Variants in ABCA13 observed in about 807,000 individuals in gnomAD.
ABCA13 encodes the protein ATP-binding cassette sub-family A member 13.
In ABCA13, 476 loss-of-function variants were observed where a neutral mutation model predicts 478.7. That is an observed-to-expected ratio of 0.99 (90% confidence interval 0.92 to 1.07). ABCA13 has a LOEUF of 1.07. ABCA13 is among the 50% of genes least tolerant of loss of function. The probability of loss-of-function intolerance (pLI) is 0.00; values close to 1 mark genes in which losing one functional copy is unlikely to be tolerated. For missense variants in ABCA13, 6,060 were observed against 5,910.6 expected (o/e 1.03, Z -0.83); for synonymous variants, 2,252 against 2,158.9 (o/e 1.04, Z -1.20).
chr7:48,310,082 G>C lies in ABCA13; in HGVS notation c.9457G>C (p.Val3153Leu), dbSNP rs760715653. The C allele has an allele frequency of 1.9e-6, 3 of 1,613,868 alleles. No individual in the cohort carries two copies. The highest frequency in any genetic ancestry group is 3.3e-5 in the Admixed American group (2 of 60,026). Residue 3153 changes from valine (V) to leucine (L), a missense_variant, in exon 24 of 62, where the codon GTG becomes CTG. Physicochemically the swap from Val to Leu is conservative, Grantham distance 32 (BLOSUM62 1). Around this residue, in one of 3 missense-constraint regions of ABCA13, gnomAD observed 4,423 missense variants for 4,309.1 expected, o/e 1.03. Coordinates refer to ENST00000435803, the MANE Select transcript of ABCA13 (RefSeq NM_152701.5). ...EELCSLPGSKVYSLIVLLSRN... is the reference protein window; with the variant it reads ...EELCSLPGSKLYSLIVLLSRN... The stretch of plus-strand genomic sequence containing the variant: ...ACTCTGTAGCCTGCCAGGGTCAAAA[G>C]TGTATTCTCTGATTGTGTTGCTGAG...
rs1790715191 is a variant in ABCA13 at position 48,240,810 on chromosome 7, A to G, written c.1063-57A>G. 11 of 1,386,512 alleles carry G rather than the reference A, an allele frequency of 7.9e-6. No homozygotes were observed. In the South Asian group the frequency reaches 1.9e-4, roughly 24 times the overall value. The allele number at this position is 1,386,512 out of a possible 1,614,324, so 85.9% of individuals were successfully genotyped here. ...GTATGTTAATATTTCTTAACTAAAT[A>G]CTGTTCTTTCCAATTTGCTATTATT... On this transcript the variant is annotated intron_variant, in intron 9 of 61. Transcript: ENST00000435803.
intron 45 of ABCA13, among the ~76,000 whole-genome samples, chr7:48,473,200 A>G (rs538135002): frequency 6.6e-6 from 1 of 152,270 alleles, no homozygotes; most frequent in African/African-American, 2.4e-5. Context: ...TCAAGATGAG[A>G]TTTGGGTGGA....
intron 58 of ABCA13, chr7:48,603,668 AG>A: frequency 5.2e-6 from 1 of 190,954 alleles, no homozygotes; most frequent in Non-Finnish European, 1.1e-5. Context: ...AATGTTTATC[AG>A]GGATATTGGC....
intron 21 of ABCA13, 107 bp downstream of exon 21, chr7:48,295,970 T>C: frequency 7.8e-7 from 1 of 1,275,902 alleles, no homozygotes; most frequent in East Asian, 2.5e-5. Context: ...TATAATATAC[T>C]CTTAATGTGC....
intron 15 of ABCA13, among the ~76,000 whole-genome samples, chr7:48,254,891 C>G (rs118162563): frequency 1.3e-5 from 2 of 152,124 alleles, no homozygotes; most frequent in Non-Finnish European, 2.9e-5. Flanking sequence ...TTCGTAGCCT[C>G]TCTTCCCTCA....
intron 55 of ABCA13, among the ~76,000 whole-genome samples, chr7:48,530,300 C>T (rs2131044991): frequency 6.6e-6 from 1 of 151,572 alleles, no homozygotes; most frequent in East Asian, 1.9e-4. Flanking sequence ...AGAGGTGTTT[C>T]ATGGTGTATA....
Position 48,350,707 on chromosome 7 carries a change from C to T in ABCA13, c.10269C>T (p.Ile3423=). 1 of 1,613,978 alleles carries T rather than the reference C, an allele frequency of 6.2e-7. No homozygotes were observed. Among genetic ancestry groups the T allele is most frequent in the Non-Finnish European group, 8.5e-7 (1 of 1,179,868 alleles). ...GAGRFRFLGS[I]LVNLSSCVAL... Reference sequence around the variant, plus strand: ...GACGCTTCCGTTTCTTGGGCAGCATCTTGGTCAATCTCTCTTCCTGCGTGG... The same window carrying T: ...GACGCTTCCGTTTCTTGGGCAGCATTTTGGTCAATCTCTCTTCCTGCGTGG... Residue 3423 remains isoleucine (I), a synonymous_variant, in exon 30 of 62, where the codon ATC becomes ATT. Transcript: ENST00000435803.
chr7:48,227,067 C>T (rs532417537), intron 5 of ABCA13, among the ~76,000 whole-genome samples, 195 bp from the exon 6 acceptor site: 37 of 152,132 alleles, frequency 2.4e-4, no homozygotes, highest in African/African-American at 8.7e-4. Flanking sequence ...AAAAAAAAAT[C>T]CTCCAACTGC....
intron 55 of ABCA13, among the ~76,000 whole-genome samples, chr7:48,553,331 G>T (rs1417120844): frequency 2.0e-5 from 3 of 151,952 alleles, no homozygotes; most frequent in Non-Finnish European, 4.4e-5. Flanking sequence ...ATATACCTAG[G>T]AGTGAGATTG....
At chr7:48,515,893 G>GAAGCTTCT (rs1315362662) in intron 51 of ABCA13, among the ~76,000 whole-genome samples, 1 of 152,118 alleles carries the variant, frequency 6.6e-6, no homozygotes, top group East Asian at 1.9e-4. Flanking sequence ...GCAGAGCAGA[G>GAAGCTTCT]AAGCTCCTTT....
intron 57 of ABCA13, among the ~76,000 whole-genome samples, chr7:48,589,224 T>C (rs1268092693): frequency 1.3e-5 from 2 of 152,224 alleles, no homozygotes; most frequent in Non-Finnish European, 2.9e-5. Context: ...CTAAGAAATA[T>C]TAATTTATTT....
intron 55 of ABCA13, among the ~76,000 whole-genome samples, chr7:48,548,393 C>T (rs1232264366): frequency 1.3e-5 from 2 of 151,754 alleles, no homozygotes; most frequent in African/African-American, 2.4e-5. Context: ...TGCTTTCTTT[C>T]TCAGACATTT....
Position 48,234,015 on chromosome 7 carries a change from C to G in ABCA13, c.764-3C>G. Reference sequence around the variant, plus strand: ...TGGTGTAAATCTTTTGTTATTCCAACAGAGCCAGTTTACCACCTGTCCATG... The same window carrying G: ...TGGTGTAAATCTTTTGTTATTCCAAGAGAGCCAGTTTACCACCTGTCCATG... On this transcript the variant is annotated splice_region_variant and splice_polypyrimidine_tract_variant and intron_variant, in intron 7 of 61. Coordinates refer to ENST00000435803, the MANE Select transcript of ABCA13 (RefSeq NM_152701.5). 6.2e-7 allele frequency: 1 copy of G among 1,613,692 alleles called. No individual in the cohort carries two copies. Among genetic ancestry groups the G allele is most frequent in the Non-Finnish European group, 8.5e-7 (1 of 1,179,676 alleles).
At chr7:48,404,505 T>G (rs1818012385) in intron 39 of ABCA13, 1 of 159,836 alleles carries the variant, frequency 6.3e-6, no homozygotes, top group Admixed American at 6.0e-5. Context: ...TTGGTGCTGG[T>G]AAATAAGTGT....
chr7:48,392,173 C>G (rs1444440814), intron 38 of ABCA13, 34 bp downstream of exon 38: 1 of 1,587,860 alleles, frequency 6.3e-7, no homozygotes, highest in Admixed American at 1.7e-5. Context: ...CTCCTCCTGC[C>G]TCTGCCCATT....
At chr7:48,220,729 G>T (rs907414833) in intron 4 of ABCA13, among the ~76,000 whole-genome samples, 27 of 152,070 alleles carry the variant, frequency 1.8e-4, no homozygotes, top group African/African-American at 6.0e-4. Context: ...CTATTTTGGG[G>T]TCATTCTACT....
At position 48,171,521 on chromosome 7, in the gene ABCA13, G is replaced by A; in HGVS notation, c.38G>A (p.Trp13Ter). The A allele has an allele frequency of 1.3e-6, 2 of 1,536,368 alleles. No individual in the cohort carries two copies. Among genetic ancestry groups the A allele is most frequent in the Non-Finnish European group, 1.7e-6 (2 of 1,146,896 alleles). Residue 13 changes from tryptophan to a stop codon, truncating the protein, a stop_gained, in exon 1 of 62, where the codon TGG (tryptophan) becomes TAG (stop). Coordinates refer to ENST00000435803, the MANE Select transcript of ABCA13 (RefSeq NM_152701.5). LOFTEE classifies it high-confidence loss of function. ...HAGCQFKALL[W>*]KNWLCRLRNP... ...GGGTGCCAGTTCAAAGCCCTGCTGT[G>A]GAAGAATTGGCTCTGCAGACTCAGG...
chr7:48,435,943 A>G (rs1280561473), intron 42 of ABCA13, among the ~76,000 whole-genome samples: 1 of 150,560 alleles, frequency 6.6e-6, no homozygotes, highest in Non-Finnish European at 1.5e-5. Context: ...TTTTGTATCA[A>G]TATTCATAAG....
chr7:48,246,067 A>G, intron 13 of ABCA13, 37 bp downstream of exon 13: 1 of 1,572,398 alleles, frequency 6.4e-7, no homozygotes. Context: ...CTAAGGGCAC[A>G]AATTTAAGAT....
Sources: gnomAD v4.1 joint callset for allele counts (sites outside exome capture counted in the v4.1 genomes callset) on GRCh38, gnomAD v4.1.1 for gene constraint, gnomAD v4.1.1 regional missense constraint, MANE v1.5 for transcripts, NCBI Gene and HGNC (gene_info 2026-07-23, HGNC 2026-07-21) for gene names.